ARMH3: variants seen among roughly 807,000 people sequenced by gnomAD.
ARMH3 encodes the protein armadillo-like helical domain-containing protein 3.
A neutral mutation model predicts 99.1 loss-of-function variants in ARMH3; 60 were observed. The ratio of observed to expected loss-of-function variants is 0.61; its 90% CI spans 0.49 to 0.75. The LOEUF (loss-of-function observed/expected upper bound fraction) is 0.75, where lower values mean the gene tolerates loss of function less well. Ranked by LOEUF, ARMH3 falls within the 30% of genes least tolerant of loss-of-function variation. ARMH3 has a pLI of 0.00. For synonymous variants in ARMH3, 285 were observed against 292.8 expected (o/e 0.97, Z 0.27); for missense variants, 679 against 843.1 (o/e 0.81, Z 2.41).
At chr10:101,852,632 C>A (rs2066630242) in intron 24 of ARMH3, among the ~76,000 whole-genome samples, 1 of 151,944 alleles carries the variant, frequency 6.6e-6, no homozygotes, top group Non-Finnish European at 1.5e-5. Context: ...ACCTATAATC[C>A]CAGCAACTTT....
intron 23 of ARMH3, among the ~76,000 whole-genome samples, chr10:101,897,495 T>C (rs1396164458): frequency 6.6e-6 from 1 of 152,238 alleles, no homozygotes; most frequent in Non-Finnish European, 1.5e-5. Context: ...AAAGCTTTTC[T>C]TCCTCTTAAG....
At chr10:102,003,174 T>C (rs1252837222) in intron 14 of ARMH3, among the ~76,000 whole-genome samples, 1 of 151,826 alleles carries the variant, frequency 6.6e-6, no homozygotes, top group East Asian at 1.9e-4. Flanking sequence ...GTATTTTCTT[T>C]TTTTTTGAGA....
intron 15 of ARMH3, among the ~76,000 whole-genome samples, chr10:101,998,314 A>T (rs1847154340): frequency 6.6e-6 from 1 of 152,200 alleles, no homozygotes; most frequent in Admixed American, 6.5e-5. Context: ...TGGCTTCAAG[A>T]AAGTGATACA....
intron 9 of ARMH3, 59 bp from the exon 10 acceptor site, chr10:102,012,935 G>A (rs932188909): frequency 6.9e-7 from 1 of 1,459,060 alleles, no homozygotes; most frequent in Non-Finnish European, 9.4e-7. Context: ...AGTTGGTGAT[G>A]ATGCTAGAAC....
intron 1 of ARMH3, among the ~76,000 whole-genome samples, chr10:102,046,205 C>G (rs973956007): frequency 6.6e-6 from 1 of 150,658 alleles, no homozygotes; most frequent in Admixed American, 6.6e-5. Context: ...TCATATCAAC[C>G]CTATGATCCA....
chr10:101,974,632 G>A (rs74903162), intron 20 of ARMH3, among the ~76,000 whole-genome samples: 2 of 152,200 alleles, frequency 1.3e-5, no homozygotes, highest in African/African-American at 2.4e-5. Context: ...CTACCAAATG[G>A]TTAGAAAGAC....
intron 24 of ARMH3, among the ~76,000 whole-genome samples, chr10:101,873,399 A>C (rs897177031): frequency 2.0e-5 from 3 of 152,030 alleles, no homozygotes; most frequent in African/African-American, 7.2e-5. Flanking sequence ...GGGACAGGGC[A>C]AGATTCTGTC....
At chr10:101,855,953 AGTGCTCAACCCAGTGCAGGCT>A (rs1394102469) in intron 24 of ARMH3, among the ~76,000 whole-genome samples, 11 of 151,936 alleles carry the variant, frequency 7.2e-5, no homozygotes, top group Admixed American at 2.0e-4. Flanking sequence ...TGCTCTTCCT[AGTGCTCAACCCAGTGCAGGCT>A]GTGCTCAACC....
At chr10:101,935,751 G>A (rs1003215210) in intron 23 of ARMH3, among the ~76,000 whole-genome samples, 4 of 152,196 alleles carry the variant, frequency 2.6e-5, no homozygotes, top group African/African-American at 9.7e-5. Flanking sequence ...TGTTCACTCT[G>A]CCTTAAAAAT....
chr10:101,891,663 TTAA>T (rs2067693985), intron 23 of ARMH3, among the ~76,000 whole-genome samples: 1 of 152,206 alleles, frequency 6.6e-6, no homozygotes, highest in Non-Finnish European at 1.5e-5. Context: ...CGGAATTTAG[TTAA>T]TAATAATGCC....
At chr10:101,971,715 T>C (rs977096428) in intron 20 of ARMH3, among the ~76,000 whole-genome samples, 14 of 152,200 alleles carry the variant, frequency 9.2e-5, no homozygotes, top group African/African-American at 3.4e-4. Flanking sequence ...GCAAAATATA[T>C]ATGTGCAAAT....
At chr10:102,044,091 C>CTTTTT (rs778226635) in intron 1 of ARMH3, among the ~76,000 whole-genome samples, 3 of 104,116 alleles carry the variant, frequency 2.9e-5, no homozygotes, top group Admixed American at 9.8e-5. Flanking sequence ...TAATTTTTTT[C>CTTTTT]TTTTTTTTTT....
chr10:101,976,383 A>G (rs12242491), intron 19 of ARMH3, among the ~76,000 whole-genome samples: 4 of 131,378 alleles, frequency 3.0e-5, no homozygotes, highest in African/African-American at 8.2e-5. Flanking sequence ...AGATTAATCA[A>G]TCTCTCTCTC....
At chr10:101,877,841 A>G (rs1176492746) in intron 24 of ARMH3, among the ~76,000 whole-genome samples, 2 of 152,180 alleles carry the variant, frequency 1.3e-5, no homozygotes, top group Admixed American at 1.3e-4. Context: ...AGAGATGAAT[A>G]ATAAGCTGAG....
At chr10:101,954,360 A>T (rs1844934822) in intron 22 of ARMH3, among the ~76,000 whole-genome samples, 2 of 152,252 alleles carry the variant, frequency 1.3e-5, no homozygotes. Flanking sequence ...TCTGTAATAA[A>T]AAGGAAGGAA....
At chr10:102,025,069 C>CT in intron 6 of ARMH3, 87 bp downstream of exon 6, 1 of 1,140,550 alleles carries the variant, frequency 8.8e-7, no homozygotes, top group Non-Finnish European at 1.3e-6. Flanking sequence ...TATTTCTTCT[C>CT]TTTTTCCTTC....
In ARMH3 at chr10:101,995,293, C is replaced by T. The variant is rs370068318; in HGVS notation, c.1209+4G>A. The T allele has an allele frequency of 1.2e-6, 2 of 1,612,994 alleles. No individual in the cohort carries two copies. Among genetic ancestry groups the T allele is most frequent in the Non-Finnish European group, 8.5e-7 (1 of 1,179,060 alleles). ...CCTAATAGCAGAAGGCTCGTGAGACCTACCTCTGCAATACATGTAAGGATA... is the reference window on the plus strand; with the variant it reads ...CCTAATAGCAGAAGGCTCGTGAGACTTACCTCTGCAATACATGTAAGGATA... On this transcript the variant is annotated splice_donor_region_variant and intron_variant, in intron 16 of 25. Transcript: ENST00000370033.
intron 23 of ARMH3, among the ~76,000 whole-genome samples, chr10:101,924,126 T>C (rs1199714505): frequency 6.6e-6 from 1 of 151,986 alleles, no homozygotes; most frequent in Non-Finnish European, 1.5e-5. Flanking sequence ...AGATAACAAA[T>C]ACACAGAATG....
intron 23 of ARMH3, among the ~76,000 whole-genome samples, chr10:101,911,072 C>A (rs189150312): frequency 1.3e-5 from 2 of 151,014 alleles, no homozygotes; most frequent in East Asian, 3.9e-4. Flanking sequence ...CCAGAGGAGG[C>A]GGAGGTTGCA....
Sources: allele counts gnomAD v4.1 joint callset (sites outside exome capture counted in the v4.1 genomes callset), GRCh38; gene constraint gnomAD v4.1.1; transcripts MANE v1.5; gene names NCBI Gene and HGNC (gene_info 2026-07-23, HGNC 2026-07-21).